ZNF560: variants seen among roughly 807,000 people sequenced by gnomAD.
ZNF560 encodes the protein zinc finger protein 560.
Under a neutral mutation model 81.8 loss-of-function variants are expected in ZNF560, and 54 were observed. The ratio of observed to expected loss-of-function variants is 0.66; its 90% CI spans 0.53 to 0.83. ZNF560 has a LOEUF of 0.83. Ranked by LOEUF, ZNF560 falls within the 40% of genes least tolerant of loss-of-function variation. The pLI, the probability that ZNF560 is intolerant of heterozygous loss-of-function variation, is 0.00. For missense variants in ZNF560, 940 were observed against 932.4 expected (o/e 1.01, Z -0.11); for synonymous variants, 321 against 317.9 (o/e 1.01, Z -0.10).
intron 2 of ZNF560, among the ~76,000 whole-genome samples, chr19:9,475,607 C>CTTT (rs34316228): frequency 0.046 from 6,442 of 139,852 alleles, 548 homozygotes; most frequent in African/African-American, 0.16. Context: ...GGTAAAGAAA[C>CTTT]TTTTTTTTTT....
the ZNF560 span, among the ~76,000 whole-genome samples, chr19:9,459,818 A>G: frequency 6.6e-6 from 1 of 152,164 alleles, no homozygotes; most frequent in African/African-American, 2.4e-5. Flanking sequence ...AAGGGGTTTT[A>G]TGCCCTGGGC....
At chr19:9,470,270 T>A (rs1013363660) in intron 7 of ZNF560, 122 bp downstream of exon 7, 3 of 1,311,090 alleles carry the variant, frequency 2.3e-6, no homozygotes, top group Non-Finnish European at 3.1e-6. Context: ...TAAAAAAAAT[T>A]TTTTTTCAGT....
chr19:9,504,206 G>C, the ZNF560 span, among the ~76,000 whole-genome samples: 1 of 152,110 alleles, frequency 6.6e-6, no homozygotes, highest in Non-Finnish European at 1.5e-5. Flanking sequence ...GGCCAAGAGT[G>C]GATGGATCAT....
At chr19:9,454,980 C>T in the ZNF560 span, among the ~76,000 whole-genome samples, 1 of 152,092 alleles carries the variant, frequency 6.6e-6, no homozygotes, top group Admixed American at 6.5e-5. Context: ...TAGGGAATGG[C>T]CTGACCCTCT....
At chr19:9,486,772 A>C (rs2073391061) in intron 2 of ZNF560, among the ~76,000 whole-genome samples, 1 of 152,244 alleles carries the variant, frequency 6.6e-6, no homozygotes, top group Non-Finnish European at 1.5e-5. Context: ...AAAAAAAAGA[A>C]ATAATAGTTT....
intron 5 of ZNF560, among the ~76,000 whole-genome samples, chr19:9,472,397 C>T (rs1442793056): frequency 6.6e-6 from 1 of 152,194 alleles, no homozygotes; most frequent in Non-Finnish European, 1.5e-5. Flanking sequence ...GGCAGGAGAG[C>T]AAGTGAAGCT....
At chr19:9,460,845 G>A in the ZNF560 span, among the ~76,000 whole-genome samples, 1 of 152,198 alleles carries the variant, frequency 6.6e-6, no homozygotes, top group African/African-American at 2.4e-5. Flanking sequence ...ACAGGCAGAG[G>A]TGCTGCATGA....
the ZNF560 span, among the ~76,000 whole-genome samples, chr19:9,456,357 C>T: frequency 0.57 from 87,200 of 151,992 alleles, 25,798 homozygotes; most frequent in African/African-American, 0.7. Flanking sequence ...TGGATTGTAA[C>T]GGGGAAATTC....
chr19:9,465,072 T>C (rs1294356405), downstream of ZNF560, among the ~76,000 whole-genome samples: 1 of 151,806 alleles, frequency 6.6e-6, no homozygotes, highest in African/African-American at 2.4e-5. Context: ...TCAAACATCT[T>C]ACATAAAAAG....
At chr19:9,481,081 TG>T (rs775569756) in intron 2 of ZNF560, among the ~76,000 whole-genome samples, 7,974 of 90,238 alleles carry the variant, frequency 0.088, 255 homozygotes, top group South Asian at 0.15. Flanking sequence ...AGAGATTATC[TG>T]AAAAAAAAAA....
intron 5 of ZNF560, 151 bp downstream of exon 5, chr19:9,473,028 G>C: frequency 1.5e-6 from 1 of 664,744 alleles, no homozygotes; most frequent in South Asian, 1.7e-5. Flanking sequence ...TTTCTGTAGA[G>C]CCTGCAGAAT....
chr19:9,486,296 G>A (rs979606898), intron 2 of ZNF560, among the ~76,000 whole-genome samples: 9 of 152,030 alleles, frequency 5.9e-5, no homozygotes, highest in Admixed American at 3.9e-4. Context: ...GCCAACACTC[G>A]GAAGGGACAA....
intron 2 of ZNF560, among the ~76,000 whole-genome samples, chr19:9,493,563 T>C (rs2073506107): frequency 6.6e-6 from 1 of 152,170 alleles, no homozygotes; most frequent in Non-Finnish European, 1.5e-5. Context: ...GGGTTCACCA[T>C]GTTGGCCAGG....
At chr19:9,497,503 C>T (rs1211651560) in intron 2 of ZNF560, among the ~76,000 whole-genome samples, 1 of 148,672 alleles carries the variant, frequency 6.7e-6, no homozygotes, top group African/African-American at 2.5e-5. Flanking sequence ...CCACTGCACT[C>T]CAGCCTGGGC....
chr19:9,467,112 C>G lies in ZNF560; in HGVS notation c.1835G>C (p.Arg612Pro). 1 of 1,613,760 alleles carries G rather than the reference C, an allele frequency of 6.2e-7. No homozygotes were observed. The highest frequency in any genetic ancestry group is 8.5e-7 in the Non-Finnish European group (1 of 1,179,992). The change falls in exon 10 of 10, where the codon CGC becomes CCC. Residue 612 changes from arginine (R) to proline (P), a missense_variant. By Grantham distance (103) the Arg-to-Pro change is moderately radical (BLOSUM62 -2). Coordinates refer to ENST00000301480, the MANE Select transcript of ZNF560 (RefSeq NM_152476.3). ...CKKCGKAFTE[R>P]SDLTKHLRRH... The stretch of plus-strand genomic sequence containing the variant: ...TCGTAAATGTTTAGTAAGATCTGAG[C>G]GTTCTGTGAAGGCTTTTCCACATTT...
At chr19:9,494,406 A>G (rs1052760926) in intron 2 of ZNF560, among the ~76,000 whole-genome samples, 15 of 152,284 alleles carry the variant, frequency 9.9e-5, no homozygotes, top group African/African-American at 3.6e-4. Context: ...TTATCTTTTA[A>G]TGGAACATGT....
At chr19:9,501,187 T>A (rs1313765426), upstream of ZNF560, among the ~76,000 whole-genome samples, 1 of 137,226 alleles carries the variant, frequency 7.3e-6, no homozygotes, top group Non-Finnish European at 1.5e-5. Context: ...TGAGATGGAG[T>A]CTCACACTAT....
At chr19:9,477,276 T>C (rs1319076910) in intron 2 of ZNF560, among the ~76,000 whole-genome samples, 2 of 152,140 alleles carry the variant, frequency 1.3e-5, no homozygotes, top group Admixed American at 6.6e-5. Flanking sequence ...GAAAAAAATC[T>C]AAATTCAGAA....
chr19:9,466,627 C>G lies in ZNF560; in HGVS notation c.2320G>C (p.Gly774Arg), dbSNP rs1435998867. The change falls in exon 10 of 10, where the codon GGG (glycine) becomes CGG (arginine). Residue 774 changes from glycine to arginine, a missense_variant. Gly to Arg is a moderately radical substitution (Grantham distance 125, BLOSUM62 -2). Coordinates refer to ENST00000301480, the MANE Select transcript of ZNF560 (RefSeq NM_152476.3). ...GEKPFECDQC[G>R]KAFASFSARI... ...GCTGAGAAAGAAGCAAAGGCTTTCCCACACTGGTCACATTCAAAGGGTTTC... is the reference window on the plus strand; with the variant it reads ...GCTGAGAAAGAAGCAAAGGCTTTCCGACACTGGTCACATTCAAAGGGTTTC... 1 of 1,612,154 alleles carries G rather than the reference C, an allele frequency of 6.2e-7. No individual in the cohort carries two copies. Among genetic ancestry groups the G allele is most frequent in the East Asian group, 2.2e-5 (1 of 44,828 alleles).
Sources: gnomAD v4.1 joint callset for allele counts (sites outside exome capture counted in the v4.1 genomes callset) on GRCh38, gnomAD v4.1.1 for gene constraint, MANE v1.5 for transcripts, NCBI Gene and HGNC (gene_info 2026-07-23, HGNC 2026-07-21) for gene names.